The following PBX1 variants were observed in gnomAD, a reference collection of about 807,000 sequenced individuals.
PBX1 encodes the protein pre-B-cell leukemia transcription factor 1.
Under a neutral mutation model 53.4 loss-of-function variants are expected in PBX1, and 6 were observed. The observed-to-expected ratio is 0.11, with a 90% CI of 0.06 to 0.22. PBX1 has a LOEUF of 0.22. PBX1 is among the 10% of genes least tolerant of loss of function. PBX1 has a pLI of 1.00. For missense variants in PBX1, 251 were observed against 551.4 expected, an observed-to-expected ratio of 0.46 and a Z score of 5.46; for synonymous variants, 204 against 212.3, an observed-to-expected ratio of 0.96 and a Z score of 0.34.
chr1:164,689,082 G>T (rs75575598), intron 2 of PBX1, among the ~76,000 whole-genome samples: 1 of 152,180 alleles, frequency 6.6e-6, no homozygotes, highest in Non-Finnish European at 1.5e-5. Context: ...ATTGGGACTC[G>T]CCAAAGTGTT....
At chr1:164,873,687 T>C (rs968890099) in intron 2 of PBX1, among the ~76,000 whole-genome samples, 3 of 152,216 alleles carry the variant, frequency 2.0e-5, no homozygotes, top group Non-Finnish European at 4.4e-5. Context: ...GATATCCTTT[T>C]TGATATTCTC....
At chr1:164,714,366 T>C (rs761428610) in intron 2 of PBX1, among the ~76,000 whole-genome samples, 1 of 152,194 alleles carries the variant, frequency 6.6e-6, no homozygotes, top group Non-Finnish European at 1.5e-5. Context: ...ACATCACACA[T>C]AGGTGAGTTA....
intron 2 of PBX1, among the ~76,000 whole-genome samples, chr1:164,572,566 G>T (rs1653951310): frequency 6.6e-6 from 1 of 152,130 alleles, no homozygotes; most frequent in Admixed American, 6.5e-5. Context: ...AAAGATTGGA[G>T]AATTTTCTGA....
At chr1:164,578,747 C>G (rs1432160068) in intron 2 of PBX1, among the ~76,000 whole-genome samples, 1 of 152,204 alleles carries the variant, frequency 6.6e-6, no homozygotes, top group African/African-American at 2.4e-5. Flanking sequence ...CCTGGTGATA[C>G]ATGCAGAAGC....
chr1:164,799,176 CT>C (rs144631007), intron 3 of PBX1, among the ~76,000 whole-genome samples: 7 of 152,106 alleles, frequency 4.6e-5, no homozygotes, highest in South Asian at 2.1e-4. Context: ...GATTAAGAAA[CT>C]TTTTTTTCTC....
At chr1:164,631,778 C>T (rs1264927118) in intron 2 of PBX1, among the ~76,000 whole-genome samples, 2 of 152,124 alleles carry the variant, frequency 1.3e-5, no homozygotes, top group Admixed American at 1.3e-4. Flanking sequence ...TATTGTAGCA[C>T]GTGAAGGAAA....
intron 2 of PBX1, among the ~76,000 whole-genome samples, chr1:164,715,825 C>T (rs1003848608): frequency 6.6e-6 from 1 of 152,156 alleles, no homozygotes; most frequent in African/African-American, 2.4e-5. Context: ...CTACCAGTTC[C>T]TTAAAAATCT....
At chr1:164,873,892 A>G (rs1388636805) in intron 2 of PBX1, among the ~76,000 whole-genome samples, 3 of 152,196 alleles carry the variant, frequency 2.0e-5, no homozygotes, top group African/African-American at 4.8e-5. Flanking sequence ...AGCTTAAAAA[A>G]AAATTACAGG....
chr1:164,724,059 C>G (rs1173821439), intron 2 of PBX1, among the ~76,000 whole-genome samples: 1 of 152,172 alleles, frequency 6.6e-6, no homozygotes, highest in Non-Finnish European at 1.5e-5. Context: ...CCTGGAATGA[C>G]TTTCTTAGAA....
intron 2 of PBX1, among the ~76,000 whole-genome samples, chr1:164,663,675 C>T (rs1045484382): frequency 6.6e-6 from 1 of 152,168 alleles, no homozygotes; most frequent in Non-Finnish European, 1.5e-5. Context: ...TTTGAGTGCT[C>T]CTCAATGTAT....
chr1:164,797,795 T>C (rs1331390608), intron 3 of PBX1, among the ~76,000 whole-genome samples: 1 of 152,234 alleles, frequency 6.6e-6, no homozygotes, highest in Admixed American at 6.5e-5. Context: ...ATTTAATCCT[T>C]ACTACACCTT....
chr1:164,601,917 G>C (rs1247287060), intron 2 of PBX1, among the ~76,000 whole-genome samples: 1 of 152,210 alleles, frequency 6.6e-6, no homozygotes. Flanking sequence ...TCCTGGCTGA[G>C]AGCAGAGACC....
Position 164,849,465 on chromosome 1 carries a change from C to T in PBX1, c.*2789C>T. 2 of 1,534,078 alleles carry T rather than the reference C, an allele frequency of 1.3e-6. No homozygotes were observed. Among genetic ancestry groups the T allele is most frequent in the Non-Finnish European group, 1.7e-6 (2 of 1,145,674 alleles). On this transcript the variant is annotated 3_prime_UTR_variant, in exon 9 of 9. Coordinates refer to ENST00000420696, the MANE Select transcript of PBX1 (RefSeq NM_002585.4). ...AGCAGCAGGATGGGTTTGGAAAGAG[C>T]ATGCCTCTGGAAACACAGCTTCCTG... is the stretch of plus-strand genomic sequence containing the variant.
At chr1:164,836,804 T>C (rs1265958953) in intron 8 of PBX1, among the ~76,000 whole-genome samples, 1 of 152,198 alleles carries the variant, frequency 6.6e-6, no homozygotes, top group Admixed American at 6.5e-5. Context: ...ATAGATTTGG[T>C]GCGTCACGGA....
At chr1:164,610,038 G>A (rs968055514) in intron 2 of PBX1, among the ~76,000 whole-genome samples, 1 of 152,016 alleles carries the variant, frequency 6.6e-6, no homozygotes, top group South Asian at 2.1e-4. Flanking sequence ...GCACATTCAC[G>A]ATGCCCTCTG....
At chr1:164,606,025 A>G (rs998466783) in intron 2 of PBX1, among the ~76,000 whole-genome samples, 1 of 152,224 alleles carries the variant, frequency 6.6e-6, no homozygotes, top group Non-Finnish European at 1.5e-5. Context: ...CTCTATTTTT[A>G]TAATAACATA....
At chr1:164,699,776 C>A (rs748599320) in intron 2 of PBX1, among the ~76,000 whole-genome samples, 1 of 152,084 alleles carries the variant, frequency 6.6e-6, no homozygotes, top group Non-Finnish European at 1.5e-5. Context: ...CCCCTTTATT[C>A]TTTCTCACTT....
intron 2 of PBX1, among the ~76,000 whole-genome samples, chr1:164,634,187 A>G (rs1200643986): frequency 2.6e-5 from 4 of 152,190 alleles, no homozygotes; most frequent in African/African-American, 9.7e-5. Context: ...CTCACTGAGT[A>G]TTCCCTGTCC....
At chr1:164,858,743 C>T (rs1231310667) in intron 2 of PBX1, among the ~76,000 whole-genome samples, 1 of 152,154 alleles carries the variant, frequency 6.6e-6, no homozygotes, top group Non-Finnish European at 1.5e-5. Context: ...CTAGACATCC[C>T]AGAATCTCAT....
Sources: gnomAD v4.1 joint callset for allele counts (sites outside exome capture counted in the v4.1 genomes callset) on GRCh38, gnomAD v4.1.1 for gene constraint, MANE v1.5 for transcripts, NCBI Gene and HGNC (gene_info 2026-07-23, HGNC 2026-07-21) for gene names.